The following PEAK1 variants were observed in gnomAD, a reference collection of about 807,000 sequenced individuals.
PEAK1 encodes the protein inactive tyrosine-protein kinase PEAK1.
PEAK1 carries 54 observed loss-of-function variants against 124.7 expected under a neutral mutation model. That is an observed-to-expected ratio of 0.43 (90% confidence interval 0.35 to 0.54). PEAK1 has a LOEUF of 0.54. Among genes scored for constraint, PEAK1 ranks in the 20% least tolerant of loss-of-function variants. PEAK1 has a pLI of 0.01. For synonymous variants in PEAK1, 719 were observed against 760.0 expected (o/e 0.95, Z 0.89); for missense variants, 2,046 against 2,134.5 (o/e 0.96, Z 0.82).
At chr15:77,160,295 A>G in intron 7 of PEAK1, among the ~76,000 whole-genome samples, 1 of 152,230 alleles carries the variant, frequency 6.6e-6, no homozygotes, top group East Asian at 1.9e-4. Context: ...AGTTATCAAC[A>G]TGCTTCAAGA....
chr15:77,417,656 G>C (rs2072998291), intron 1 of PEAK1: 1 of 985,416 alleles, frequency 1.0e-6, no homozygotes, highest in East Asian at 1.1e-4. Flanking sequence ...TCCAACAAAA[G>C]GGTATGATTT....
chr15:77,347,520 A>G, intron 2 of PEAK1: 1 of 985,388 alleles, frequency 1.0e-6, no homozygotes, highest in Non-Finnish European at 1.2e-6. Context: ...AGGAACCGTT[A>G]AAGCACAGCA....
chr15:77,248,372 G>T (rs560427074), intron 6 of PEAK1, among the ~76,000 whole-genome samples: 1 of 152,296 alleles, frequency 6.6e-6, no homozygotes, highest in South Asian at 2.1e-4. Flanking sequence ...GATTTGTAAG[G>T]TTTAAAGATA....
At chr15:77,382,755 C>T (rs2141834223) in intron 1 of PEAK1, among the ~76,000 whole-genome samples, 1 of 152,154 alleles carries the variant, frequency 6.6e-6, no homozygotes, top group South Asian at 2.1e-4. Context: ...ATTAACTTGA[C>T]AGTTTTATGC....
chr15:77,401,762 C>G, intron 1 of PEAK1: 1 of 985,098 alleles, frequency 1.0e-6, no homozygotes, highest in Non-Finnish European at 1.2e-6. Flanking sequence ...TCTTAGAGAG[C>G]TTTTGCTGAT....
chr15:77,157,109 T>C (rs1165260376), intron 8 of PEAK1: 1 of 152,256 alleles, frequency 6.6e-6, no homozygotes, highest in Non-Finnish European at 1.5e-5. Flanking sequence ...TCTCCCACAG[T>C]GTTACCATAA....
intron 9 of PEAK1, among the ~76,000 whole-genome samples, chr15:77,130,794 C>G (rs964898247): frequency 5.9e-5 from 9 of 152,158 alleles, no homozygotes; most frequent in African/African-American, 2.2e-4. Flanking sequence ...CTGTAAACAT[C>G]TGAAAGAGGA....
At chr15:77,352,091 A>G (rs1479228644) in intron 2 of PEAK1, 1 of 820,046 alleles carries the variant, frequency 1.2e-6, no homozygotes. Flanking sequence ...ATGGTGATAC[A>G]TGCCTGTGGT....
chr15:77,199,142 C>T (rs62008384), intron 6 of PEAK1, among the ~76,000 whole-genome samples: 12,819 of 152,222 alleles, frequency 0.084, 618 homozygotes, highest in Non-Finnish European at 0.1. Context: ...ATGATAAGCC[C>T]CAGCTGCCAC....
rs145828997 is a variant in PEAK1, at chr15:77,102,138, T to C, written c.*12018A>G. The stretch of plus-strand genomic sequence containing the variant: ...AAACAGGCATTATTTTTATAATCAA[T>C]CAGAAAAAGCTGTTAAAATTTTTTT... On this transcript the variant is annotated 3_prime_UTR_variant, in exon 7 of 7. Coordinates refer to the PEAK1 transcript ENST00000560626. 7.9e-5 allele frequency: 12 copies of C among 152,316 alleles called. No homozygotes were observed. The East Asian group carries it at 1.7e-3, about 22-fold the overall frequency. 9.4% of individuals were successfully genotyped at this position (152,316 alleles called of 1,614,324 possible). A position where few individuals can be genotyped will look rare whatever the true frequency, so the allele number is the denominator to read the frequency against.
At chr15:77,321,478 A>C (rs2065214210) in intron 2 of PEAK1, among the ~76,000 whole-genome samples, 1 of 152,172 alleles carries the variant, frequency 6.6e-6, no homozygotes, top group Non-Finnish European at 1.5e-5. Context: ...GTGTCTGTTC[A>C]TATCCTTTGC....
At chr15:77,411,049 T>C (rs990716859) in intron 1 of PEAK1, among the ~76,000 whole-genome samples, 5 of 152,148 alleles carry the variant, frequency 3.3e-5, no homozygotes, top group African/African-American at 9.7e-5. Context: ...AGGCTACATG[T>C]TGTAATTATT....
intron 2 of PEAK1, chr15:77,346,527 G>A (rs1390888266): frequency 2.0e-6 from 2 of 985,120 alleles, no homozygotes; most frequent in Non-Finnish European, 2.4e-6. Context: ...AGGATGTACG[G>A]GCTCAGACAC....
intron 6 of PEAK1, among the ~76,000 whole-genome samples, chr15:77,248,174 G>A (rs544680790): frequency 2.0e-5 from 3 of 152,050 alleles, no homozygotes; most frequent in Non-Finnish European, 4.4e-5. Context: ...TGGGATTACA[G>A]GTGTGAACCA....
intron 8 of PEAK1, chr15:77,156,404 C>G (rs1040464099): frequency 2.6e-5 from 4 of 152,682 alleles, no homozygotes; most frequent in Non-Finnish European, 5.8e-5. Flanking sequence ...GTCTGTCACC[C>G]CTTTCTTTGA....
chr15:77,262,238 G>A (rs1403539477), intron 5 of PEAK1, among the ~76,000 whole-genome samples: 1 of 152,080 alleles, frequency 6.6e-6, no homozygotes, highest in Non-Finnish European at 1.5e-5. Context: ...CATAATGACA[G>A]GATCAAATTC....
At chr15:77,356,040 A>C in intron 2 of PEAK1, 1 of 663,008 alleles carries the variant, frequency 1.5e-6, no homozygotes, top group Non-Finnish European at 1.9e-6. Flanking sequence ...TCCAGTGCCC[A>C]TGTGCACACG....
intron 1 of PEAK1, chr15:77,371,224 C>T (rs1477023274): frequency 4.1e-6 from 4 of 984,028 alleles, no homozygotes; most frequent in African/African-American, 1.7e-5. Flanking sequence ...CAACCTTTCA[C>T]ATTCTGGTTC....
At position 77,114,447 on chromosome 15, in the gene PEAK1, AG is replaced by A; in HGVS notation, c.4949del (p.Pro1650LeufsTer35). ...QLASCLLNPNPSERILISDAK... is the reference protein window; with the variant it reads ...QLASCLLNPNXSERILISDAK... ...CGTCTGAAATGAGGATCCGCTCAGAAGGGTTGGGATTCAGGAGGCAGCTGGC... is the reference window on the plus strand; with the variant it reads ...CGTCTGAAATGAGGATCCGCTCAGAAGGTTGGGATTCAGGAGGCAGCTGGC... On this transcript the variant is annotated frameshift_variant, in exon 10 of 10. Transcript: ENST00000682557. LOFTEE classifies it high-confidence loss of function. 2 of 1,614,052 alleles carry A rather than the reference AG, an allele frequency of 1.2e-6. No individual in the cohort carries two copies. The highest frequency in any genetic ancestry group is 1.7e-6 in the Non-Finnish European group (2 of 1,179,988).
Sources: allele counts gnomAD v4.1 joint callset (sites outside exome capture counted in the v4.1 genomes callset), GRCh38; gene constraint gnomAD v4.1.1; transcripts MANE v1.5; gene names NCBI Gene and HGNC (gene_info 2026-07-23, HGNC 2026-07-21).